ZCCHC4: variants seen among roughly 807,000 people sequenced by gnomAD.
ZCCHC4 encodes the protein zinc finger CCHC-type containing 4.
Under a neutral mutation model 67.7 loss-of-function variants are expected in ZCCHC4, and 54 were observed. The ratio of observed to expected loss-of-function variants is 0.80; its 90% CI spans 0.64 to 1.00. ZCCHC4 has a LOEUF of 1.00. ZCCHC4 is among the 50% of genes least tolerant of loss of function. The probability of loss-of-function intolerance (pLI) is 0.00; values close to 1 mark genes in which losing one functional copy is unlikely to be tolerated. For missense variants in ZCCHC4, 609 were observed against 617.0 expected, an observed-to-expected ratio of 0.99 and a Z score of 0.14; for synonymous variants, 198 against 213.5, an observed-to-expected ratio of 0.93 and a Z score of 0.63.
intron 7 of ZCCHC4, among the ~76,000 whole-genome samples, chr4:25,350,715 A>G (rs1187980138): frequency 6.6e-6 from 1 of 152,194 alleles, no homozygotes; most frequent in East Asian, 1.9e-4. Context: ...CAAATGAAAT[A>G]TAAAACGTGA....
intron 3 of ZCCHC4, among the ~76,000 whole-genome samples, chr4:25,323,857 T>A (rs1718710335): frequency 6.6e-6 from 1 of 152,096 alleles, no homozygotes; most frequent in Non-Finnish European, 1.5e-5. Flanking sequence ...ATGAACATAC[T>A]ATTACCTCCA....
At chr4:25,365,330 A>G (rs1009162378) in intron 12 of ZCCHC4, 164 bp downstream of exon 12, 37 of 1,409,940 alleles carry the variant, frequency 2.6e-5, no homozygotes, top group Admixed American at 3.0e-5. Context: ...GAGGAAGATG[A>G]TTCAAAGAGC....
intron 8 of ZCCHC4, among the ~76,000 whole-genome samples, chr4:25,357,232 A>G (rs928383085): frequency 6.6e-6 from 1 of 152,212 alleles, no homozygotes; most frequent in African/African-American, 2.4e-5. Flanking sequence ...TTTTCTGGAT[A>G]AACATCCCCA....
chr4:25,336,062 T>G (rs1250244948), intron 5 of ZCCHC4, among the ~76,000 whole-genome samples: 1 of 152,200 alleles, frequency 6.6e-6, no homozygotes, highest in Admixed American at 6.5e-5. Context: ...AAGTATATAT[T>G]TCAGTGGTTT....
intron 4 of ZCCHC4, 69 bp downstream of exon 4, chr4:25,333,527 GT>G: frequency 3.3e-6 from 5 of 1,518,852 alleles, no homozygotes; most frequent in Non-Finnish European, 4.5e-6. Context: ...ATTTTATTAA[GT>G]AGTTACTTAC....
chr4:25,328,556 T>C (rs1246168998), intron 3 of ZCCHC4, among the ~76,000 whole-genome samples: 4 of 151,728 alleles, frequency 2.6e-5, no homozygotes, highest in African/African-American at 9.7e-5. Context: ...CTATCTTTTT[T>C]CCTCTGGTTT....
chr4:25,332,007 C>T (rs1234891580), intron 3 of ZCCHC4, among the ~76,000 whole-genome samples: 1 of 152,070 alleles, frequency 6.6e-6, no homozygotes, highest in Non-Finnish European at 1.5e-5. Flanking sequence ...AATTTAGTTC[C>T]ATCAAAACTG....
intron 5 of ZCCHC4, among the ~76,000 whole-genome samples, chr4:25,338,326 T>C (rs1355403110): frequency 6.6e-6 from 1 of 152,256 alleles, no homozygotes; most frequent in Non-Finnish European, 1.5e-5. Context: ...ACTCCTGGGC[T>C]AATGCAGTGT....
In ZCCHC4 at chr4:25,333,872, ATATCT is replaced by A. The variant is rs748193049; in HGVS notation, c.606-32_606-28del. 20 of 1,408,804 alleles carry A rather than the reference ATATCT, an allele frequency of 1.4e-5. No homozygotes were observed. The Admixed American group carries it at 2.3e-4, about 16-fold the overall frequency. The allele number at this position is 1,408,804 out of a possible 1,614,324, so 87.3% of individuals were successfully genotyped here. ...TTGTTTATTGTCTATGACATTTGTA[ATATCT>A]TATTACATTTGCTTTCACTAATTGC... is the stretch of plus-strand genomic sequence containing the variant. On this transcript the variant is annotated intron_variant, in intron 4 of 12. Coordinates refer to ENST00000302874, the MANE Select transcript of ZCCHC4 (RefSeq NM_024936.3).
In ZCCHC4 at chr4:25,323,644, G is replaced by A. The variant is rs111738470; in HGVS notation, c.329+8244G>A. On this transcript the variant is annotated intron_variant, in intron 3 of 12. Transcript: ENST00000302874. Reference sequence around the variant, plus strand: ...AACTCCAGGATGGAAGATGTCAACTGGGACTGTCCTGGGCAACCAGGGATG... The same window carrying A: ...AACTCCAGGATGGAAGATGTCAACTAGGACTGTCCTGGGCAACCAGGGATG... Among the ~76,000 whole-genome samples, 1,029 of 152,278 alleles carry A rather than the reference G, an allele frequency of 6.8e-3. 9 individuals are homozygous for A. The highest frequency in any genetic ancestry group is 0.023 in the African/African-American group (966 of 41,558).
rs1450026946 is a variant in ZCCHC4, at chr4:25,320,182, C to CT, written c.329+4792dup. ...ATTTACATTTTGTGCCTGAGATTTG[C>CT]TTTTTTTTTTATAGTTTTTAGCTGC... On this transcript the variant is annotated intron_variant, in intron 3 of 12. Transcript: ENST00000302874. Among the ~76,000 whole-genome samples, 200 of 145,982 alleles carry CT rather than the reference C, an allele frequency of 1.4e-3. 1 individual carries two copies. In the Middle Eastern group the frequency reaches 0.014, roughly 10 times the overall value.
chr4:25,319,507 A>G (rs1321330697), intron 3 of ZCCHC4, among the ~76,000 whole-genome samples: 2 of 152,176 alleles, frequency 1.3e-5, no homozygotes, highest in Non-Finnish European at 2.9e-5. Flanking sequence ...GTTTTGGAAG[A>G]TGGGTAGAAA....
intron 5 of ZCCHC4, among the ~76,000 whole-genome samples, chr4:25,336,796 T>G (rs1381411424): frequency 6.6e-6 from 1 of 152,206 alleles, no homozygotes; most frequent in Admixed American, 6.5e-5. Context: ...GTAGCTGGTG[T>G]TTTTTGAGTG....
chr4:25,365,212 A>G (rs1377160832), intron 12 of ZCCHC4, 46 bp downstream of exon 12: 10 of 1,606,306 alleles, frequency 6.2e-6, no homozygotes, highest in Non-Finnish European at 8.5e-6. Flanking sequence ...TCTGTGTTTT[A>G]TACAGGATAA....
intron 8 of ZCCHC4, chr4:25,361,645 C>T (rs1029927485): frequency 5.1e-5 from 26 of 509,112 alleles, no homozygotes; most frequent in African/African-American, 3.5e-4. Context: ...AAAGCCATGT[C>T]GAAACTGTCT....
chr4:25,323,246 T>C (rs1718678580), intron 3 of ZCCHC4, among the ~76,000 whole-genome samples: 1 of 152,220 alleles, frequency 6.6e-6, no homozygotes, highest in Admixed American at 6.5e-5. Flanking sequence ...AAAAGAACTT[T>C]GTTTCACCAA....
Position 25,362,289 on chromosome 4 carries a change from T to G in ZCCHC4, c.1197T>G (p.Ser399=). The G allele has an allele frequency of 6.2e-7, 1 of 1,601,494 alleles. No homozygotes were observed. Among genetic ancestry groups the G allele is most frequent in the African/African-American group, 1.3e-5 (1 of 74,790 alleles). The change falls in exon 10 of 13, where the codon TCT becomes TCG. Residue 399 remains serine (S), a synonymous_variant. Transcript: ENST00000302874. ...LENQHCELCN[S]CTSKDGRKWN... is the part of the protein sequence containing the mutation. ...ATCAACACTGTGAGCTCTGTAATTC[T>G]TGCACATCCAAGGTATGGTGTTCTT... is the stretch of plus-strand genomic sequence containing the variant.
intron 10 of ZCCHC4, among the ~76,000 whole-genome samples, chr4:25,363,145 C>T (rs1313142794): frequency 6.6e-6 from 1 of 152,186 alleles, no homozygotes; most frequent in Non-Finnish European, 1.5e-5. Context: ...ACTGTTTTCA[C>T]TAAAAATCTT....
chr4:25,364,999 A>G (rs760123373), intron 11 of ZCCHC4, 23 bp from the exon 12 acceptor site: 1 of 1,611,980 alleles, frequency 6.2e-7, no homozygotes, highest in South Asian at 1.1e-5. Flanking sequence ...AACTTCCTTT[A>G]AAACTTAATT....
Sources: gnomAD v4.1 joint callset for allele counts (sites outside exome capture counted in the v4.1 genomes callset) on GRCh38, gnomAD v4.1.1 for gene constraint, MANE v1.5 for transcripts, NCBI Gene and HGNC (gene_info 2026-07-23, HGNC 2026-07-21) for gene names.